The following PIAS1 variants were observed in gnomAD, a reference collection of about 807,000 sequenced individuals.
PIAS1 encodes the protein E3 SUMO-protein ligase PIAS1.
PIAS1 carries 6 observed loss-of-function variants against 71.3 expected under a neutral mutation model. That is an observed-to-expected ratio of 0.08 (90% CI 0.05 to 0.17). PIAS1 has a LOEUF of 0.17. Ranked by LOEUF, PIAS1 falls within the 10% of genes least tolerant of loss-of-function variation. The pLI, the probability that PIAS1 is intolerant of heterozygous loss-of-function variation, is 1.00. For missense variants in PIAS1, 555 were observed against 793.6 expected, an observed-to-expected ratio of 0.70 and a Z score of 3.61; for synonymous variants, 303 against 292.9, an observed-to-expected ratio of 1.03 and a Z score of -0.35.
chr15:68,065,251 G>A (rs887738899), intron 1 of PIAS1, among the ~76,000 whole-genome samples: 1 of 151,846 alleles, frequency 6.6e-6, no homozygotes, highest in Non-Finnish European at 1.5e-5. Flanking sequence ...AAAATGGGAC[G>A]ATCCCTTTCA....
chr15:68,061,500 AACC>A (rs2091958745), intron 1 of PIAS1: 3 of 152,364 alleles, frequency 2.0e-5, no homozygotes, highest in Admixed American at 2.0e-4. Context: ...AAAATGAAGA[AACC>A]ACCTTTTTAT....
At chr15:68,127,889 A>G (rs1444758873) in intron 2 of PIAS1, among the ~76,000 whole-genome samples, 3 of 152,106 alleles carry the variant, frequency 2.0e-5, no homozygotes, top group Admixed American at 2.0e-4. Flanking sequence ...CAGCCTCCCA[A>G]GTAGCTAGGA....
chr15:68,189,652 ATATG>A lies in PIAS1; in HGVS notation c.*1821_*1824del, dbSNP rs1387628594. The A allele has an allele frequency of 6.6e-6, 1 of 152,132 alleles. No individual in the cohort carries two copies. The highest frequency in any genetic ancestry group is 1.5e-5 in the Non-Finnish European group (1 of 68,020). The allele number at this position is 152,132 out of a possible 1,614,324, so 9.4% of individuals were successfully genotyped here. The stretch of plus-strand genomic sequence containing the variant: ...TTGATATGTATATGTGTGTGTGTAT[ATATG>A]TATTTATAAACAAGTGTGTTTGAGT... On this transcript the variant is annotated 3_prime_UTR_variant, in exon 14 of 14. Transcript: ENST00000249636.
In PIAS1 at chr15:68,069,677, G is replaced by A. The variant is rs141002078; in HGVS notation, c.24+15327G>A. Among the ~76,000 whole-genome samples, 567 of 152,072 alleles carry A rather than the reference G, an allele frequency of 3.7e-3. 2 individuals carry two copies. Among genetic ancestry groups the A allele is most frequent in the African/African-American group, 0.012 (505 of 41,458 alleles). The stretch of plus-strand genomic sequence containing the variant: ...ATTAGCCGGGCGTGGTGGCGCGGGA[G>A]CCTGTAGTCCCAGCTACTTGGGAGG... On this transcript the variant is annotated intron_variant, in intron 1 of 13. Coordinates refer to ENST00000249636, the MANE Select transcript of PIAS1 (RefSeq NM_016166.3).
At chr15:68,157,699 T>C (rs1000518915) in intron 7 of PIAS1, among the ~76,000 whole-genome samples, 2 of 152,326 alleles carry the variant, frequency 1.3e-5, no homozygotes, top group Admixed American at 6.5e-5. Context: ...TAAATGTGGC[T>C]GTTCTTGGAG....
At chr15:68,099,998 T>C (rs1223107472) in intron 2 of PIAS1, among the ~76,000 whole-genome samples, 1 of 140,312 alleles carries the variant, frequency 7.1e-6, no homozygotes, top group East Asian at 1.9e-4. Context: ...TTTTATATTA[T>C]TGACTTTTGA....
At position 68,187,872 on chromosome 15, in the gene PIAS1, C is replaced by T. The variant is rs369150797; in HGVS notation, c.*37C>T. ...TGCTGCTCCCATCCCCACCCCAGATCGAATGAACTTGGCAGAAAGAAGAGA... is the reference window on the plus strand; with the variant it reads ...TGCTGCTCCCATCCCCACCCCAGATTGAATGAACTTGGCAGAAAGAAGAGA... On this transcript the variant is annotated 3_prime_UTR_variant, in exon 14 of 14. Transcript: ENST00000249636. This position sits in a 1 kb window ranked among gnomAD's most constrained non-coding sequence, Gnocchi z 5.3. The T allele has an allele frequency of 4.2e-4, 670 of 1,578,868 alleles. No individual in the cohort carries two copies. Among genetic ancestry groups the T allele is most frequent in the Admixed American group, 6.0e-4 (35 of 58,156 alleles).
chr15:68,081,865 C>T (rs1258511723), intron 1 of PIAS1, among the ~76,000 whole-genome samples: 3 of 151,510 alleles, frequency 2.0e-5, no homozygotes, highest in Non-Finnish European at 4.4e-5. Context: ...GGACATACAT[C>T]TCTAAGTTTA....
At chr15:68,072,568 T>G (rs570777194) in intron 1 of PIAS1, among the ~76,000 whole-genome samples, 4 of 152,278 alleles carry the variant, frequency 2.6e-5, no homozygotes, top group South Asian at 4.1e-4. Context: ...CTGACTGAGT[T>G]AGTGTACTCA....
chr15:68,136,838 G>C (rs1345671018), intron 2 of PIAS1, among the ~76,000 whole-genome samples: 1 of 152,166 alleles, frequency 6.6e-6, no homozygotes, highest in African/African-American at 2.4e-5. Flanking sequence ...GGAAATATTT[G>C]TAGCAAATTT....
At chr15:68,118,793 T>C (rs2092587707) in intron 2 of PIAS1, among the ~76,000 whole-genome samples, 1 of 152,186 alleles carries the variant, frequency 6.6e-6, no homozygotes, top group Non-Finnish European at 1.5e-5. Flanking sequence ...AAGAAATATC[T>C]AAATTCAAAG....
At chr15:68,098,462 A>C (rs2092396558) in intron 2 of PIAS1, among the ~76,000 whole-genome samples, 1 of 152,210 alleles carries the variant, frequency 6.6e-6, no homozygotes, top group African/African-American at 2.4e-5. Flanking sequence ...CAGAGGTGGA[A>C]GAAAATCTGT....
chr15:68,065,753 T>G (rs2092013521), intron 1 of PIAS1, among the ~76,000 whole-genome samples: 1 of 143,790 alleles, frequency 7.0e-6, no homozygotes, highest in South Asian at 2.3e-4. Flanking sequence ...TTTTTTTTTT[T>G]TTTTGGAGAC....
intron 7 of PIAS1, among the ~76,000 whole-genome samples, chr15:68,156,733 G>A (rs1239571478): frequency 3.3e-5 from 5 of 149,404 alleles, no homozygotes; most frequent in East Asian, 3.9e-4. Context: ...AAAAAAGAGA[G>A]AGAGAGAGAG....
rs1202798779 is a variant in PIAS1 at position 68,055,700 on chromosome 15, G to A, written c.24+1350G>A. On this transcript the variant is annotated intron_variant, in intron 1 of 13. Transcript: ENST00000249636. ...CTGACATCTCTGTCAGAGAGGAGAT[G>A]GGGATATACAATTGTAAATCTTTGG... 4 of 447,822 alleles carry A rather than the reference G, an allele frequency of 8.9e-6. No homozygotes were observed. In the East Asian group the frequency reaches 1.3e-4, roughly 15 times the overall value. 27.7% of individuals were successfully genotyped at this position (447,822 alleles called of 1,614,324 possible). A position where few individuals can be genotyped will look rare whatever the true frequency, so the allele number is the denominator to read the frequency against.
At chr15:68,164,953 A>C in intron 8 of PIAS1, 149 bp downstream of exon 8, 1 of 550,142 alleles carries the variant, frequency 1.8e-6, no homozygotes, top group Non-Finnish European at 3.2e-6. Flanking sequence ...ACATCTAGGC[A>C]TTGCATTTGG....
intron 1 of PIAS1, among the ~76,000 whole-genome samples, chr15:68,074,380 T>C (rs1408829098): frequency 1.3e-5 from 2 of 152,218 alleles, no homozygotes; most frequent in Non-Finnish European, 2.9e-5. Context: ...CCGCCCAGGC[T>C]GGAGGCTTGA....
chr15:68,142,459 C>G, intron 4 of PIAS1, 122 bp downstream of exon 4: 1 of 738,326 alleles, frequency 1.4e-6, no homozygotes, highest in Non-Finnish European at 2.2e-6. Flanking sequence ...AGATAATATT[C>G]CTTATCAGGA....
At chr15:68,163,185 T>A (rs2092936324) in intron 7 of PIAS1, among the ~76,000 whole-genome samples, 1 of 152,248 alleles carries the variant, frequency 6.6e-6, no homozygotes, top group Non-Finnish European at 1.5e-5. Flanking sequence ...GATTATTTGT[T>A]GCCTTTAACA....
Sources: gnomAD v4.1 joint callset for allele counts (sites outside exome capture counted in the v4.1 genomes callset) on GRCh38, gnomAD v4.1.1 for gene constraint, Gnocchi (gnomAD v3.1) non-coding constraint, MANE v1.5 for transcripts, NCBI Gene and HGNC (gene_info 2026-07-23, HGNC 2026-07-21) for gene names.